Variants in CD9 observed in about 807,000 individuals in gnomAD.
CD9 encodes the protein CD9 molecule.
Under a neutral mutation model 31.4 loss-of-function variants are expected in CD9, and 10 were observed. The observed-to-expected ratio is 0.32, with a 90% CI of 0.20 to 0.54. The LOEUF is 0.54. Among genes scored for constraint, CD9 ranks in the 20% least tolerant of loss-of-function variants. The probability of loss-of-function intolerance (pLI) is 0.94; values close to 1 mark genes in which losing one functional copy is unlikely to be tolerated. For missense variants in CD9, 259 were observed against 300.1 expected (o/e 0.86, Z 1.01); for synonymous variants, 113 against 114.1 (o/e 0.99, Z 0.06).
chr12:6,234,817 G>A (rs1946494343), intron 4 of CD9, among the ~76,000 whole-genome samples: 1 of 152,214 alleles, frequency 6.6e-6, no homozygotes, highest in Non-Finnish European at 1.5e-5. Flanking sequence ...CATACAGAGA[G>A]GCTTAGTAAT....
At chr12:6,206,232 T>C (rs1302724826) in intron 1 of CD9, 1 of 151,886 alleles carries the variant, frequency 6.6e-6, no homozygotes, top group South Asian at 2.1e-4. Context: ...CTTTTTTTTT[T>C]TGGAGACGGT....
intron 2 of CD9, among the ~76,000 whole-genome samples, chr12:6,229,632 T>C (rs1946417575): frequency 6.6e-6 from 1 of 152,164 alleles, no homozygotes; most frequent in Non-Finnish European, 1.5e-5. Flanking sequence ...CCCTACCGGA[T>C]TTTGTTCTCC....
chr12:6,228,972 A>C (rs1026810446), intron 2 of CD9, among the ~76,000 whole-genome samples: 1 of 152,264 alleles, frequency 6.6e-6, no homozygotes, highest in Non-Finnish European at 1.5e-5. Context: ...AGAGTATATA[A>C]CCAGGCAGAA....
intron 1 of CD9, among the ~76,000 whole-genome samples, chr12:6,213,919 G>A (rs1204022814): frequency 2.6e-5 from 4 of 152,190 alleles, no homozygotes; most frequent in Non-Finnish European, 4.4e-5. Flanking sequence ...AGCAGGCAGG[G>A]AAACCCTGTC....
intron 1 of CD9, among the ~76,000 whole-genome samples, chr12:6,206,870 T>C (rs1014055532): frequency 2.0e-5 from 3 of 151,896 alleles, no homozygotes; most frequent in South Asian, 2.1e-4. Flanking sequence ...TCCAGAAAAA[T>C]GTTATGTCTG....
chr12:6,202,932 GA>G (rs1358647077), intron 1 of CD9, among the ~76,000 whole-genome samples: 2 of 152,192 alleles, frequency 1.3e-5, no homozygotes, highest in African/African-American at 4.8e-5. Flanking sequence ...ATCTTCATCA[GA>G]GGCAGGAAGA....
chr12:6,228,999 T>G (rs988028808), intron 2 of CD9, among the ~76,000 whole-genome samples: 1 of 152,218 alleles, frequency 6.6e-6, no homozygotes, highest in Non-Finnish European at 1.5e-5. Context: ...GTGAAAACCT[T>G]TCCAACATTC....
chr12:6,211,801 C>T (rs973483522), intron 1 of CD9, among the ~76,000 whole-genome samples: 6 of 152,166 alleles, frequency 3.9e-5, no homozygotes, highest in East Asian at 1.9e-4. Flanking sequence ...GTATGCTACG[C>T]GTCTGGCAAG....
At chr12:6,206,864 G>A (rs1946137766) in intron 1 of CD9, among the ~76,000 whole-genome samples, 1 of 151,476 alleles carries the variant, frequency 6.6e-6, no homozygotes, top group African/African-American at 2.4e-5. Context: ...CCTGCCTCCA[G>A]AAAAATGTTA....
intron 2 of CD9, among the ~76,000 whole-genome samples, chr12:6,231,650 C>T (rs1486196845): frequency 6.6e-6 from 1 of 152,162 alleles, no homozygotes; most frequent in East Asian, 1.9e-4. Flanking sequence ...TGTTTGTGTC[C>T]CAGGAATTTG....
intron 1 of CD9, among the ~76,000 whole-genome samples, chr12:6,218,679 T>G (rs1272810821): frequency 1.3e-5 from 2 of 152,232 alleles, no homozygotes; most frequent in Non-Finnish European, 2.9e-5. Context: ...GGTGTGTGTT[T>G]CAGTGTAAGA....
intron 1 of CD9, among the ~76,000 whole-genome samples, chr12:6,202,438 C>T (rs1449297268): frequency 6.6e-6 from 1 of 152,238 alleles, no homozygotes; most frequent in Non-Finnish European, 1.5e-5. Context: ...GAGTTTTCCT[C>T]TCCCCTCCCA....
At chr12:6,202,308 G>A (rs919948915) in intron 1 of CD9, among the ~76,000 whole-genome samples, 1 of 152,054 alleles carries the variant, frequency 6.6e-6, no homozygotes, top group Admixed American at 6.5e-5. Flanking sequence ...CCCTCCTCCT[G>A]TGTTGCCACC....
chr12:6,235,843 C>T, intron 6 of CD9: 2 of 1,373,398 alleles, frequency 1.5e-6, no homozygotes. Context: ...GAGTCTTGGA[C>T]TCCCACTCTG....
At chr12:6,218,444 TTTCCTC>T (rs1342589928) in intron 1 of CD9, among the ~76,000 whole-genome samples, 4 of 152,138 alleles carry the variant, frequency 2.6e-5, no homozygotes, top group Admixed American at 1.3e-4. Flanking sequence ...CCACTGCTCT[TTTCCTC>T]TTCCTCTGGG....
rs746749848 is a variant in CD9, at chr12:6,238,031, C to G, written c.*203C>G. ...TTCAATATTGACATTTGTAGTTGAGCGGGGGGTTTGGTTTGCTTTGGTTTA... is the reference window on the plus strand; with the variant it reads ...TTCAATATTGACATTTGTAGTTGAGGGGGGGGTTTGGTTTGCTTTGGTTTA... On this transcript the variant is annotated 3_prime_UTR_variant, in exon 8 of 8. Transcript: ENST00000009180. 1 of 469,100 alleles carries G rather than the reference C, an allele frequency of 2.1e-6. No individual in the cohort carries two copies. Among genetic ancestry groups the G allele is most frequent in the East Asian group, 3.7e-5 (1 of 27,122 alleles). The allele number at this position is 469,100 out of a possible 1,614,324, so 29.1% of individuals were successfully genotyped here. A position where few individuals can be genotyped will look rare whatever the true frequency, so the allele number is the denominator to read the frequency against.
rs749544736 is a variant in CD9, at chr12:6,237,758, C to G, written c.622-5C>G. The G allele has an allele frequency of 6.8e-5, 109 of 1,610,182 alleles. No individual in the cohort carries two copies. Among genetic ancestry groups the G allele is most frequent in the Non-Finnish European group, 8.9e-5 (105 of 1,176,684 alleles). ...CTGATCCTCATGTTTCTTCCTATCT[C>G]CTAGATATTTGGCATGATCTTCAGT... On this transcript the variant is annotated splice_region_variant and splice_polypyrimidine_tract_variant and intron_variant, in intron 7 of 7. Transcript: ENST00000009180.
intron 4 of CD9, 80 bp downstream of exon 4, chr12:6,233,566 G>A: frequency 9.1e-7 from 1 of 1,100,204 alleles, no homozygotes; most frequent in Non-Finnish European, 1.4e-6. Context: ...GTCCTGGCTG[G>A]GCACTTTGTT....
chr12:6,211,922 G>A (rs1946197818), intron 1 of CD9, among the ~76,000 whole-genome samples: 1 of 152,184 alleles, frequency 6.6e-6, no homozygotes, highest in South Asian at 2.1e-4. Context: ...CTTCACTGAA[G>A]CTTTTCTCCT....
Sources: allele counts gnomAD v4.1 joint callset (sites outside exome capture counted in the v4.1 genomes callset), GRCh38; gene constraint gnomAD v4.1.1; transcripts MANE v1.5; gene names NCBI Gene and HGNC (gene_info 2026-07-23, HGNC 2026-07-21).